The following TTLL7 variants were observed in gnomAD, a reference collection of about 807,000 sequenced individuals.
The protein encoded by TTLL7 is tubulin tyrosine ligase like 7.
In TTLL7, 53 loss-of-function variants were observed where a neutral mutation model predicts 120.2. That is an observed-to-expected ratio of 0.44 (90% CI 0.35 to 0.55). The LOEUF (loss-of-function observed/expected upper bound fraction) is 0.55, where lower values mean the gene tolerates loss of function less well. Among genes scored for constraint, TTLL7 ranks in the 20% least tolerant of loss-of-function variants. The pLI is 0.00. For missense variants in TTLL7, 803 were observed against 1,054.7 expected (o/e 0.76, Z 3.31); for synonymous variants, 353 against 351.7 (o/e 1.00, Z -0.04).
intron 9 of TTLL7, among the ~76,000 whole-genome samples, chr1:83,932,411 C>G (rs116517775): frequency 6.6e-6 from 1 of 151,884 alleles, no homozygotes; most frequent in Non-Finnish European, 1.5e-5. Flanking sequence ...ATCCAAGGAA[C>G]GGAGGAAGCA....
At chr1:83,951,726 T>C (rs1649072773) in intron 3 of TTLL7, 119 bp downstream of exon 3, 4 of 1,156,762 alleles carry the variant, frequency 3.5e-6, no homozygotes, top group Non-Finnish European at 4.8e-6. Context: ...ATAGAAGGCA[T>C]TTAAAAATCC....
chr1:83,869,805 T>C lies in TTLL7; in HGVS notation c.*157A>G, dbSNP rs938339857. On this transcript the variant is annotated 3_prime_UTR_variant, in exon 21 of 21. Coordinates refer to ENST00000260505, the MANE Select transcript of TTLL7 (RefSeq NM_024686.6). ...CATATATCATTTAATATAATAAATA[T>C]ATGTTATTAGGGTGCATATGTGCAT... 1.7e-5 allele frequency: 9 copies of C among 517,876 alleles called. No individual in the cohort carries two copies. The highest frequency in any genetic ancestry group is 2.8e-5 in the Non-Finnish European group (9 of 326,734). 32.1% of individuals were successfully genotyped at this position (517,876 alleles called of 1,614,324 possible). A position where few individuals can be genotyped will look rare whatever the true frequency, so the allele number is the denominator to read the frequency against.
chr1:83,964,815 T>C lies in TTLL7; in HGVS notation c.-176-12428A>G, dbSNP rs768804163. On this transcript the variant is annotated intron_variant, in intron 1 of 20. Coordinates refer to ENST00000260505, the MANE Select transcript of TTLL7 (RefSeq NM_024686.6). ...TGATAAAATTATACATGTAACCATA[T>C]ACCCACAGCATGCATCTTAGTTTTA... Among the ~76,000 whole-genome samples, 30 of 152,178 alleles carry C rather than the reference T, an allele frequency of 2.0e-4. 1 individual carries two copies. The highest frequency in any genetic ancestry group is 3.2e-4 in the Non-Finnish European group (22 of 68,022).
At chr1:83,881,615 T>A (rs964716590) in intron 20 of TTLL7, among the ~76,000 whole-genome samples, 1 of 151,756 alleles carries the variant, frequency 6.6e-6, no homozygotes, top group African/African-American at 2.4e-5. Flanking sequence ...TGTGGAGAAA[T>A]AGGAACACTT....
At chr1:83,958,102 G>A (rs1649684353) in intron 1 of TTLL7, among the ~76,000 whole-genome samples, 1 of 152,088 alleles carries the variant, frequency 6.6e-6, no homozygotes, top group African/African-American at 2.4e-5. Flanking sequence ...GGATGGGGTT[G>A]ATATCATCAC....
chr1:83,967,710 A>G (rs1650601375), intron 1 of TTLL7, among the ~76,000 whole-genome samples: 2 of 152,128 alleles, frequency 1.3e-5, no homozygotes, highest in Admixed American at 6.6e-5. Flanking sequence ...TAAAAATAGT[A>G]TAATTTAGTT....
chr1:83,900,423 A>C (rs941570810), intron 18 of TTLL7, among the ~76,000 whole-genome samples: 13 of 152,030 alleles, frequency 8.6e-5, no homozygotes, highest in African/African-American at 3.1e-4. Flanking sequence ...AGATTCAAGT[A>C]GAGAAAGATA....
At chr1:83,907,727 G>A in intron 15 of TTLL7, 66 bp from the exon 16 acceptor site, 12 of 1,431,100 alleles carry the variant, frequency 8.4e-6, no homozygotes, top group Middle Eastern at 1.8e-4. Context: ...ACTGTATGAA[G>A]TCTATATAAA....
chr1:83,971,812 C>T lies in TTLL7; in HGVS notation c.-176-19425G>A, dbSNP rs1651013405. The stretch of plus-strand genomic sequence containing the variant: ...CTTCAGTCTCCCTGTCCTGTAAAAA[C>T]AGTCCTAGCCATCTTAATAATAGAA... On this transcript the variant is annotated intron_variant, in intron 1 of 20. Transcript: ENST00000260505. 1.3e-5 allele frequency among the ~76,000 whole-genome samples: 2 copies of T among 152,052 alleles called. 1 individual carries two copies. The highest frequency in any genetic ancestry group is 4.2e-4 in the South Asian group (2 of 4,816).
At chr1:83,882,841 T>G in intron 20 of TTLL7, 122 bp downstream of exon 20, 1 of 1,132,928 alleles carries the variant, frequency 8.8e-7, no homozygotes, top group Non-Finnish European at 1.3e-6. Flanking sequence ...ATAGCATGTA[T>G]GAACTTTCAG....
chr1:83,943,945 T>G (rs974749713), intron 6 of TTLL7, among the ~76,000 whole-genome samples: 3 of 151,974 alleles, frequency 2.0e-5, no homozygotes, highest in Non-Finnish European at 4.4e-5. Context: ...TGAATAGTGA[T>G]AGAAAATTGG....
chr1:83,938,859 C>T (rs1647666676), intron 7 of TTLL7, among the ~76,000 whole-genome samples: 1 of 152,142 alleles, frequency 6.6e-6, no homozygotes, highest in African/African-American at 2.4e-5. Flanking sequence ...TGTTACATCA[C>T]AATTAAAATA....
intron 20 of TTLL7, among the ~76,000 whole-genome samples, chr1:83,871,070 A>G (rs1028866649): frequency 6.7e-6 from 1 of 149,422 alleles, no homozygotes; most frequent in Non-Finnish European, 1.5e-5. Context: ...ACTATATTAT[A>G]TAGTAATATT....
At chr1:83,954,058 T>C (rs939024103) in intron 1 of TTLL7, among the ~76,000 whole-genome samples, 1 of 152,234 alleles carries the variant, frequency 6.6e-6, no homozygotes, top group Admixed American at 6.5e-5. Context: ...CTCAGGGAAG[T>C]AACTATTTGA....
intron 3 of TTLL7, 92 bp from the exon 4 acceptor site, chr1:83,950,078 A>G: frequency 8.6e-7 from 1 of 1,162,768 alleles, no homozygotes; most frequent in Non-Finnish European, 1.2e-6. Context: ...TTTAGTTCAT[A>G]GTATTTCATT....
rs370902766 is a variant in TTLL7 at position 83,904,069 on chromosome 1, C to T, written c.2208+10G>A. On this transcript the variant is annotated intron_variant, in intron 18 of 20. Transcript: ENST00000260505. The stretch of plus-strand genomic sequence containing the variant: ...CAAGAGGGAAAAAACTTGTTTTGAG[C>T]ATTACTCACTTTTCGTTGTTTTACA... 3.7e-6 allele frequency: 6 copies of T among 1,608,190 alleles called. No individual in the cohort carries two copies. The highest frequency in any genetic ancestry group is 2.7e-5 in the African/African-American group (2 of 74,660).
At position 83,957,715 on chromosome 1, in the gene TTLL7, T is replaced by A. The variant is rs370733065; in HGVS notation, c.-176-5328A>T. ...TTTGTGCTACCTTCAAAATTCAGCC[T>A]TTAAATATAACATATTGAAGATTTC... On this transcript the variant is annotated intron_variant, in intron 1 of 20. Coordinates refer to ENST00000260505, the MANE Select transcript of TTLL7 (RefSeq NM_024686.6). 4.3e-4 allele frequency among the ~76,000 whole-genome samples: 66 copies of A among 152,288 alleles called. 1 individual carries two copies. In the South Asian group the frequency reaches 0.013, roughly 30 times the overall value.
intron 1 of TTLL7, among the ~76,000 whole-genome samples, chr1:83,990,545 G>A (rs915381452): frequency 1.3e-5 from 2 of 152,132 alleles, no homozygotes; most frequent in African/African-American, 4.8e-5. Context: ...ATTTAAAAAT[G>A]GGCTAATGCC....
intron 5 of TTLL7, 143 bp downstream of exon 5, chr1:83,948,485 C>A: frequency 1.8e-6 from 1 of 553,526 alleles, no homozygotes; most frequent in Non-Finnish European, 3.2e-6. Flanking sequence ...CAGAGACCTT[C>A]TAAGACCTCT....
Sources: gnomAD v4.1 joint callset for allele counts (sites outside exome capture counted in the v4.1 genomes callset) on GRCh38, gnomAD v4.1.1 for gene constraint, MANE v1.5 for transcripts, NCBI Gene and HGNC (gene_info 2026-07-23, HGNC 2026-07-21) for gene names.